Variants in CSMD3 observed in about 807,000 individuals in gnomAD.
CSMD3 encodes the protein CUB and sushi domain-containing protein 3.
A neutral mutation model predicts 435.2 loss-of-function variants in CSMD3; 177 were observed. The ratio of observed to expected loss-of-function variants is 0.41; its 90% CI spans 0.36 to 0.46. CSMD3 has a LOEUF of 0.46. CSMD3 is among the 20% of genes least tolerant of loss of function. The probability of loss-of-function intolerance (pLI) is 0.34; values close to 1 mark genes in which losing one functional copy is unlikely to be tolerated. For missense variants in CSMD3, 4,265 were observed against 4,504.6 expected, an observed-to-expected ratio of 0.95 and a Z score of 1.52; for synonymous variants, 1,656 against 1,520.5, an observed-to-expected ratio of 1.09 and a Z score of -2.07.
intron 1 of CSMD3, among the ~76,000 whole-genome samples, chr8:113,382,574 C>T (rs2094421067): frequency 6.6e-6 from 1 of 152,130 alleles, no homozygotes; most frequent in Admixed American, 6.6e-5. Flanking sequence ...TACCAAAATG[C>T]AGAATCAGAG....
chr8:113,423,583 A>G (rs564208251), intron 1 of CSMD3, among the ~76,000 whole-genome samples: 18 of 152,110 alleles, frequency 1.2e-4, no homozygotes, highest in East Asian at 3.9e-4. Flanking sequence ...GTCAAGTGTA[A>G]AAAGACCACT....
intron 17 of CSMD3, among the ~76,000 whole-genome samples, chr8:112,657,044 A>C (rs1201643462): frequency 6.7e-6 from 1 of 149,098 alleles, no homozygotes; most frequent in Non-Finnish European, 1.5e-5. Flanking sequence ...AGCCTTAAAA[A>C]CTTTTTTTTC....
chr8:113,315,097 C>A (rs1221116371), intron 1 of CSMD3, among the ~76,000 whole-genome samples: 1 of 152,124 alleles, frequency 6.6e-6, no homozygotes, highest in Non-Finnish European at 1.5e-5. Context: ...CAAACACAAT[C>A]CTAGAACACG....
At chr8:112,242,196 G>T (rs1814237773) in intron 65 of CSMD3, among the ~76,000 whole-genome samples, 1 of 152,026 alleles carries the variant, frequency 6.6e-6, no homozygotes, top group African/African-American at 2.4e-5. Flanking sequence ...ATCAAAGTTT[G>T]TTGAGATAAT....
chr8:113,217,156 T>TAG (rs1178445173), intron 3 of CSMD3, among the ~76,000 whole-genome samples: 1 of 151,440 alleles, frequency 6.6e-6, no homozygotes, highest in Non-Finnish European at 1.5e-5. Context: ...AAAATAGAAA[T>TAG]AACTAAGAAC....
intron 3 of CSMD3, among the ~76,000 whole-genome samples, chr8:113,179,914 C>A (rs974910675): frequency 6.6e-6 from 1 of 151,368 alleles, no homozygotes; most frequent in Non-Finnish European, 1.5e-5. Context: ...TGTATAGTTG[C>A]GAAAGGCAAA....
Position 112,656,344 on chromosome 8 carries a change from A to G in CSMD3, c.2817-3T>C, listed in dbSNP as rs2131662732. Reference sequence around the variant, plus strand: ...CATAATTCAGTTCAGTCTGAAATCTAAGATTAAAAGACACATGTGAAAATA... The same window carrying G: ...CATAATTCAGTTCAGTCTGAAATCTGAGATTAAAAGACACATGTGAAAATA... On this transcript the variant is annotated splice_region_variant and splice_polypyrimidine_tract_variant and intron_variant, in intron 17 of 70. Coordinates refer to ENST00000297405, the MANE Select transcript of CSMD3 (RefSeq NM_198123.2). The G allele has an allele frequency of 6.2e-7, 1 of 1,604,226 alleles. No homozygotes were observed.
intron 1 of CSMD3, among the ~76,000 whole-genome samples, chr8:113,353,656 G>T (rs767430829): frequency 3.3e-5 from 5 of 151,976 alleles, no homozygotes; most frequent in South Asian, 2.1e-4. Flanking sequence ...CCTTTCTCAC[G>T]AGTTCTGCAC....
At chr8:112,310,212 T>A (rs545016171) in intron 50 of CSMD3, 1 of 152,418 alleles carries the variant, frequency 6.6e-6, no homozygotes, top group Non-Finnish European at 1.5e-5. Context: ...GTCTTTTTGT[T>A]TTGTTTTGTT....
chr8:112,378,619 A>G (rs574364493), intron 38 of CSMD3, among the ~76,000 whole-genome samples: 3 of 152,282 alleles, frequency 2.0e-5, no homozygotes, highest in East Asian at 1.9e-4. Context: ...AGTTGATCTC[A>G]TGGAGGTAGA....
Position 113,159,700 on chromosome 8 carries a change from A to G in CSMD3, c.709+14022T>C, listed in dbSNP as rs73344368. ...TTCCTAAAGTCACTTTATCTGAAAC[A>G]TCTCCATAGAAATCCATTATAATAT... On this transcript the variant is annotated intron_variant, in intron 4 of 70. Coordinates refer to ENST00000297405, the MANE Select transcript of CSMD3 (RefSeq NM_198123.2). Among the ~76,000 whole-genome samples the G allele has an allele frequency of 8.4e-3, 1,272 of 152,138 alleles. 29 individuals carry two copies. The highest frequency in any genetic ancestry group is 0.029 in the African/African-American group (1,204 of 41,556).
chr8:112,774,445 T>G (rs2078197107), intron 13 of CSMD3, among the ~76,000 whole-genome samples: 1 of 152,040 alleles, frequency 6.6e-6, no homozygotes, highest in South Asian at 2.1e-4. Flanking sequence ...AGCCCAAATC[T>G]CTTTCTTGAG....
At chr8:113,034,169 T>C (rs2087241927) in intron 5 of CSMD3, among the ~76,000 whole-genome samples, 1 of 151,576 alleles carries the variant, frequency 6.6e-6, no homozygotes, top group African/African-American at 2.4e-5. Flanking sequence ...AGGATCTCTC[T>C]GTATTATTTA....
chr8:112,630,885 A>G (rs1293029204), intron 22 of CSMD3, among the ~76,000 whole-genome samples: 2 of 151,572 alleles, frequency 1.3e-5, no homozygotes, highest in Admixed American at 6.6e-5. Flanking sequence ...AGATTTGAGT[A>G]TACGGATAGA....
intron 9 of CSMD3, among the ~76,000 whole-genome samples, chr8:112,933,870 C>T (rs1239748795): frequency 6.6e-6 from 1 of 151,854 alleles, no homozygotes. Flanking sequence ...TAAAAAATAC[C>T]ACTAGCATCT....
chr8:112,953,574 A>G (rs2083903568), intron 8 of CSMD3, among the ~76,000 whole-genome samples: 1 of 151,438 alleles, frequency 6.6e-6, no homozygotes, highest in African/African-American at 2.4e-5. Context: ...TTGGATTAAT[A>G]TTCTCAAGTC....
At chr8:112,390,565 C>A (rs548696990) in intron 36 of CSMD3, 99 bp downstream of exon 36, 1 of 1,035,508 alleles carries the variant, frequency 9.7e-7, no homozygotes, top group Non-Finnish European at 1.5e-6. Context: ...TCAGTCAAAA[C>A]CACTTGCTAA....
At chr8:113,281,912 CTG>C (rs1172201292) in intron 2 of CSMD3, among the ~76,000 whole-genome samples, 4 of 151,834 alleles carry the variant, frequency 2.6e-5, no homozygotes, top group African/African-American at 7.2e-5. Context: ...CTGAAAAAGA[CTG>C]TATCTTTTCT....
chr8:112,558,621 C>T (rs761509589), intron 24 of CSMD3, among the ~76,000 whole-genome samples: 11 of 151,694 alleles, frequency 7.3e-5, no homozygotes, highest in Non-Finnish European at 1.3e-4. Flanking sequence ...ATGAGGGTGA[C>T]GAAAGGTATC....
Sources: allele counts gnomAD v4.1 joint callset (sites outside exome capture counted in the v4.1 genomes callset), GRCh38; gene constraint gnomAD v4.1.1; transcripts MANE v1.5; gene names NCBI Gene and HGNC (gene_info 2026-07-23, HGNC 2026-07-21).